Variants in SASH1 observed in about 807,000 individuals in gnomAD.
SASH1 encodes SAM and SH3 domain containing 1.
SASH1 carries 44 observed loss-of-function variants against 125.2 expected under a neutral mutation model. The ratio of observed to expected loss-of-function variants is 0.35; its 90% CI spans 0.28 to 0.45. The LOEUF (loss-of-function observed/expected upper bound fraction) is 0.45, where lower values mean the gene tolerates loss of function less well. Among genes scored for constraint, SASH1 ranks in the 20% least tolerant of loss-of-function variants. The probability of loss-of-function intolerance (pLI) is 1.00; values close to 1 mark genes in which losing one functional copy is unlikely to be tolerated. For synonymous variants in SASH1, 639 were observed against 649.1 expected (o/e 0.98, Z 0.24); for missense variants, 1,426 against 1,614.5 (o/e 0.88, Z 2.00).
chr6:148,290,901 A>G (rs1380282326), intron 1 of SASH1, among the ~76,000 whole-genome samples: 5 of 151,138 alleles, frequency 3.3e-5, no homozygotes, highest in Non-Finnish European at 7.4e-5. Flanking sequence ...AAAAAAAAGA[A>G]AGAGAAAAAA....
At chr6:148,536,589 C>T (rs1167046588) in intron 16 of SASH1, among the ~76,000 whole-genome samples, 1 of 152,232 alleles carries the variant, frequency 6.6e-6, no homozygotes. Context: ...ATCCGCCCAC[C>T]TCGGCCTCCC....
At chr6:148,293,607 AG>A (rs1779690583) in intron 1 of SASH1, among the ~76,000 whole-genome samples, 3 of 151,500 alleles carry the variant, frequency 2.0e-5, no homozygotes, top group African/African-American at 7.3e-5. Context: ...GCTAGTCTGG[AG>A]GGGGAGGGGG....
At chr6:148,471,328 T>TA in intron 5 of SASH1, 89 bp from the exon 6 acceptor site, 2 of 814,536 alleles carry the variant, frequency 2.5e-6, no homozygotes, top group Non-Finnish European at 3.9e-6. Flanking sequence ...AGCTTTGAAT[T>TA]ACAAGGAAGA....
chr6:148,202,126 C>T, the SASH1 span, among the ~76,000 whole-genome samples: 1 of 151,804 alleles, frequency 6.6e-6, no homozygotes, highest in African/African-American at 2.4e-5. Flanking sequence ...ATGCTGGATT[C>T]AGTTTTTTTT....
At chr6:148,360,643 C>CCA (rs1554242964) in intron 1 of SASH1, among the ~76,000 whole-genome samples, 1 of 146,894 alleles carries the variant, frequency 6.8e-6, no homozygotes. Flanking sequence ...GCCACCCCCC[C>CCA]GCCAGGCTTT....
At chr6:148,345,310 T>C (rs541684644) in intron 1 of SASH1, among the ~76,000 whole-genome samples, 2 of 152,216 alleles carry the variant, frequency 1.3e-5, no homozygotes, top group African/African-American at 4.8e-5. Flanking sequence ...TCAGTTGTAG[T>C]GGAGTGTTCT....
chr6:148,306,019 G>A (rs1480217147), intron 1 of SASH1, among the ~76,000 whole-genome samples: 1 of 152,042 alleles, frequency 6.6e-6, no homozygotes, highest in Non-Finnish European at 1.5e-5. Context: ...TATCTCATGT[G>A]CCCCATAAAT....
chr6:148,318,617 A>G (rs1460128966), intron 1 of SASH1, among the ~76,000 whole-genome samples: 1 of 127,582 alleles, frequency 7.8e-6, no homozygotes, highest in Non-Finnish European at 1.7e-5. Context: ...CAATGGCATG[A>G]TCTTGGCTCA....
At chr6:148,241,338 C>T in the SASH1 span, among the ~76,000 whole-genome samples, 1 of 152,196 alleles carries the variant, frequency 6.6e-6, no homozygotes, top group Non-Finnish European at 1.5e-5. Flanking sequence ...GGATTATATA[C>T]ATATTAAGAA....
At chr6:148,366,296 CA>C (rs1554244767) in intron 1 of SASH1, among the ~76,000 whole-genome samples, 1 of 151,180 alleles carries the variant, frequency 6.6e-6, no homozygotes, top group Admixed American at 6.6e-5. Context: ...AAACACAAAC[CA>C]AAAAAAACCC....
rs369170620 is a variant in SASH1 at position 148,375,994 on chromosome 6, A to G, written c.157-14140A>G. ...TCATGCACTGTACTTGGAGAGGGCTAGGTGTGTTGTGAAGAGTTTTTTGGG... is the reference window on the plus strand; with the variant it reads ...TCATGCACTGTACTTGGAGAGGGCTGGGTGTGTTGTGAAGAGTTTTTTGGG... On this transcript the variant is annotated intron_variant, in intron 1 of 19. Transcript: ENST00000367467. Among the ~76,000 whole-genome samples, 21 of 152,266 alleles carry G rather than the reference A, an allele frequency of 1.4e-4. No homozygotes were observed. The South Asian group carries it at 4.4e-3, about 32-fold the overall frequency.
upstream of SASH1, among the ~76,000 whole-genome samples, chr6:148,341,901 A>G (rs1482319723): frequency 2.0e-5 from 3 of 152,182 alleles, no homozygotes; most frequent in Admixed American, 1.3e-4. Context: ...GAAAACTCTG[A>G]GTAGTCTTGA....
intron 2 of SASH1, among the ~76,000 whole-genome samples, chr6:148,416,371 ACT>A (rs1784817104): frequency 6.6e-6 from 1 of 151,324 alleles, no homozygotes; most frequent in Admixed American, 6.6e-5. Context: ...CTAGCTGTAC[ACT>A]CTTTTTGAGG....
At chr6:148,249,959 C>A in the SASH1 span, among the ~76,000 whole-genome samples, 5 of 152,186 alleles carry the variant, frequency 3.3e-5, no homozygotes, top group Non-Finnish European at 7.3e-5. Context: ...TGGTGCCTGG[C>A]ATAAGGCAGG....
At chr6:148,216,761 C>T in the SASH1 span, among the ~76,000 whole-genome samples, 173 of 151,870 alleles carry the variant, frequency 1.1e-3, 1 homozygote, top group African/African-American at 3.9e-3. Context: ...GACAGAGTCA[C>T]GCTCTGTCTC....
At chr6:148,433,404 TTC>T (rs1776143392) in intron 2 of SASH1, among the ~76,000 whole-genome samples, 2 of 134,654 alleles carry the variant, frequency 1.5e-5, no homozygotes, top group African/African-American at 3.1e-5. Flanking sequence ...TGTTTCTTTT[TTC>T]TTTTTTTTTT....
At chr6:148,320,254 G>A (rs951254136) in intron 1 of SASH1, among the ~76,000 whole-genome samples, 3 of 152,162 alleles carry the variant, frequency 2.0e-5, no homozygotes, top group African/African-American at 7.2e-5. Flanking sequence ...ACTTCAGATC[G>A]CAGAGCCTGT....
chr6:148,419,426 C>G (rs60581996), intron 2 of SASH1, among the ~76,000 whole-genome samples: 1 of 152,038 alleles, frequency 6.6e-6, no homozygotes, highest in Non-Finnish European at 1.5e-5. Flanking sequence ...AGGTTGATGC[C>G]GTATCCCTAT....
chr6:148,546,063 G>A lies in SASH1; in HGVS notation c.3397G>A (p.Asp1133Asn), dbSNP rs1409006452. The A allele has an allele frequency of 1.2e-6, 2 of 1,614,142 alleles. No individual in the cohort carries two copies. Among genetic ancestry groups the A allele is most frequent in the Non-Finnish European group, 1.7e-6 (2 of 1,180,054 alleles). The change falls in exon 19 of 20, where the codon GAC (aspartate) becomes AAC (asparagine). Residue 1133 changes from aspartate to asparagine, a missense_variant. By Grantham distance (23) the Asp-to-Asn change is conservative. Coordinates refer to ENST00000367467, the MANE Select transcript of SASH1 (RefSeq NM_015278.5). ...PEALVQRYAE[D>N]LDQPERDVAA... The stretch of plus-strand genomic sequence containing the variant: ...AGCCCTGGTGCAGAGATACGCAGAG[G>A]ACTTGGATCAGCCCGAGCGGGACGT...
Sources: gnomAD v4.1 joint callset for allele counts (sites outside exome capture counted in the v4.1 genomes callset) on GRCh38, gnomAD v4.1.1 for gene constraint, MANE v1.5 for transcripts, NCBI Gene and HGNC (gene_info 2026-07-23, HGNC 2026-07-21) for gene names.